Variants in STK26 observed in about 807,000 individuals in gnomAD.
STK26 encodes the protein serine/threonine-protein kinase 26.
Under a neutral mutation model 34.7 loss-of-function variants are expected in STK26, and 14 were observed. That is an observed-to-expected ratio of 0.40 (90% confidence interval 0.27 to 0.63). The LOEUF is 0.63. Among genes scored for constraint, STK26 ranks in the 30% least tolerant of loss-of-function variants. The pLI is 0.38. For synonymous variants in STK26, 100 were observed against 109.8 expected, an observed-to-expected ratio of 0.91 and a Z score of 0.56; for missense variants, 226 against 309.1, an observed-to-expected ratio of 0.73 and a Z score of 2.02.
At chrX:132,042,848 G>A (rs2124149920) in intron 2 of STK26, among the ~76,000 whole-genome samples, 1 of 111,280 alleles carries the variant, frequency 9.0e-6, no homozygotes, top group African/African-American at 3.3e-5. Flanking sequence ...AAGCCAGCAG[G>A]ACCCAAGAGA....
At chrX:132,054,546 C>A in intron 2 of STK26, 85 bp from the exon 3 acceptor site, 1 of 849,912 alleles carries the variant, frequency 1.2e-6, no homozygotes, top group Non-Finnish European at 1.7e-6. Flanking sequence ...GTGTTATTGT[C>A]TTATGTGATT....
chrX:132,073,491 G>A (rs745873635), intron 11 of STK26, among the ~76,000 whole-genome samples: 4 of 111,471 alleles, frequency 3.6e-5, no homozygotes, highest in African/African-American at 9.8e-5. Context: ...AAGTTCCTAC[G>A]TTTGATCTCC....
At chrX:132,050,607 ACCTATACAG>A (rs1379182942) in intron 2 of STK26, among the ~76,000 whole-genome samples, 1 of 111,986 alleles carries the variant, frequency 8.9e-6, no homozygotes. Flanking sequence ...GTGTAAGTGA[ACCTATACAG>A]TTAAAACCCA....
intron 3 of STK26, among the ~76,000 whole-genome samples, chrX:132,056,372 A>T (rs1272307377): frequency 8.9e-6 from 1 of 112,085 alleles, no homozygotes; most frequent in African/African-American, 3.2e-5. Flanking sequence ...TCTGGCTCCA[A>T]TGAGGGCATA....
intron 6 of STK26, among the ~76,000 whole-genome samples, chrX:132,069,151 GTCTT>G (rs1927315171): frequency 9.2e-6 from 1 of 108,170 alleles, no homozygotes; most frequent in Non-Finnish European, 1.9e-5. Context: ...TTTATTTATT[GTCTT>G]TCTTATTAGA....
chrX:132,062,520 A>T (rs926419614), intron 3 of STK26, among the ~76,000 whole-genome samples: 7 of 111,968 alleles, frequency 6.3e-5, no homozygotes, highest in Non-Finnish European at 1.1e-4. Context: ...TTATCCATTT[A>T]CATCAGAGGT....
intron 3 of STK26, among the ~76,000 whole-genome samples, chrX:132,060,988 C>T (rs1160836798): frequency 9.0e-6 from 1 of 111,686 alleles, no homozygotes; most frequent in Admixed American, 9.5e-5. Context: ...AATTTTAATG[C>T]TTAATGGTAT....
Position 132,072,319 on chromosome X carries a change from C to T in STK26, c.984C>T (p.Thr328=), listed in dbSNP as rs1401895033. ...CTCATCCTGAATGGAGCTTTACCAC[C>T]GTACGAAAGAAGCCTGATCCAAAGA... The part of the protein sequence containing the change: ...NNTHPEWSFT[T]VRKKPDPKKV... Residue 328 remains threonine (T), a synonymous_variant, in exon 9 of 12, where the codon ACC becomes ACT. Coordinates refer to ENST00000394334, the MANE Select transcript of STK26 (RefSeq NM_016542.4). The T allele has an allele frequency of 4.1e-6, 5 of 1,208,549 alleles. No individual in the cohort carries two copies. Among genetic ancestry groups the T allele is most frequent in the Non-Finnish European group, 5.6e-6 (5 of 893,210 alleles).
intron 2 of STK26, among the ~76,000 whole-genome samples, chrX:132,033,322 A>G (rs1925911621): frequency 8.9e-6 from 1 of 112,170 alleles, no homozygotes. Flanking sequence ...AACTTTTAGC[A>G]GAAGCACAAA....
intron 2 of STK26, among the ~76,000 whole-genome samples, chrX:132,038,229 C>A (rs187405808): frequency 3.5e-3 from 393 of 111,568 alleles, no homozygotes; most frequent in Non-Finnish European, 5.4e-3. Flanking sequence ...ATTGAGAATT[C>A]TTTCTGTATT....
At chrX:132,049,183 C>T (rs910086272) in intron 2 of STK26, among the ~76,000 whole-genome samples, 2 of 111,571 alleles carry the variant, frequency 1.8e-5, no homozygotes, top group African/African-American at 3.3e-5. Context: ...TAGGGTTTCA[C>T]CCTGTTGCCC....
intron 3 of STK26, chrX:132,055,424 C>T: frequency 8.9e-7 from 1 of 1,120,269 alleles, no homozygotes; most frequent in Non-Finnish European, 1.2e-6. Context: ...GCCTCCCCCT[C>T]CAAATAAAAG....
rs150412221 is a variant in STK26 at position 132,058,407 on chromosome X, G to A, written c.273+3546G>A. Among the ~76,000 whole-genome samples, 662 of 110,824 alleles carry A rather than the reference G, an allele frequency of 6.0e-3. 4 individuals are homozygous for A. The highest frequency in any genetic ancestry group is 0.021 in the African/African-American group (626 of 30,437). On this transcript the variant is annotated intron_variant, in intron 3 of 11. Transcript: ENST00000394334. ...ACCTGTGACAAAAACACTATTTTTG[G>A]TTGCTGACCTAAAATATTAAATACG...
At chrX:132,029,243 T>C (rs1336282984) in intron 2 of STK26, among the ~76,000 whole-genome samples, 1 of 112,069 alleles carries the variant, frequency 8.9e-6, no homozygotes. Context: ...ATTTAGCTGG[T>C]ACTTAGGAAC....
At chrX:132,037,571 A>G (rs1479693127) in intron 2 of STK26, among the ~76,000 whole-genome samples, 3 of 111,169 alleles carry the variant, frequency 2.7e-5, no homozygotes, top group Non-Finnish European at 5.7e-5. Context: ...TTTACCTGTT[A>G]GTAAAATCAG....
chrX:132,034,280 G>A (rs1925951830), intron 2 of STK26, among the ~76,000 whole-genome samples: 1 of 93,166 alleles, frequency 1.1e-5, no homozygotes, highest in African/African-American at 3.8e-5. Flanking sequence ...ATGCCAGAAT[G>A]AGACATTTAT....
At chrX:132,051,122 A>C (rs776157063) in intron 2 of STK26, among the ~76,000 whole-genome samples, 3 of 111,919 alleles carry the variant, frequency 2.7e-5, no homozygotes, top group Admixed American at 9.5e-5. Context: ...AGTATCCAAG[A>C]AGGCTTCTTC....
intron 11 of STK26, among the ~76,000 whole-genome samples, chrX:132,073,674 A>G (rs1450519573): frequency 8.9e-6 from 1 of 112,353 alleles, no homozygotes; most frequent in African/African-American, 3.2e-5. Context: ...TTTTGTATGC[A>G]TGCACACATA....
chrX:132,067,529 C>A (rs1379570751), intron 4 of STK26, among the ~76,000 whole-genome samples: 2 of 111,780 alleles, frequency 1.8e-5, no homozygotes, highest in Non-Finnish European at 3.8e-5. Flanking sequence ...TCCTTGTATT[C>A]CAGTTGGAAC....
Sources: allele counts gnomAD v4.1 joint callset (sites outside exome capture counted in the v4.1 genomes callset), GRCh38; gene constraint gnomAD v4.1.1; transcripts MANE v1.5; gene names NCBI Gene and HGNC (gene_info 2026-07-23, HGNC 2026-07-21).